The following ZDHHC14 variants were observed in gnomAD, a reference collection of about 807,000 sequenced individuals.
ZDHHC14 encodes palmitoyltransferase ZDHHC14.
In ZDHHC14, 16 loss-of-function variants were observed where a neutral mutation model predicts 47.7. The ratio of observed to expected loss-of-function variants is 0.34; its 90% CI spans 0.23 to 0.51. ZDHHC14 has a LOEUF of 0.51. Among genes scored for constraint, ZDHHC14 ranks in the 20% least tolerant of loss-of-function variants. ZDHHC14 has a pLI of 0.97. For missense variants in ZDHHC14, 515 were observed against 662.5 expected (o/e 0.78, Z 2.44); for synonymous variants, 293 against 278.9 (o/e 1.05, Z -0.50).
At chr6:157,548,052 G>A (rs9505848) in intron 2 of ZDHHC14, among the ~76,000 whole-genome samples, 23,438 of 151,218 alleles carry the variant, frequency 0.15, 1,945 homozygotes, top group Non-Finnish European at 0.19. Context: ...CTGCGCAGTC[G>A]CTTTGTGTAC....
At chr6:157,530,155 A>G (rs537229077) in intron 1 of ZDHHC14, among the ~76,000 whole-genome samples, 1 of 152,268 alleles carries the variant, frequency 6.6e-6, no homozygotes, top group Non-Finnish European at 1.5e-5. Flanking sequence ...ATGAAACAGT[A>G]ACAGGCTACC....
chr6:157,530,546 C>G (rs1164071326), intron 1 of ZDHHC14, among the ~76,000 whole-genome samples: 1 of 152,204 alleles, frequency 6.6e-6, no homozygotes, highest in African/African-American at 2.4e-5. Flanking sequence ...TTGAAGCTGT[C>G]TTTGCCTGAT....
chr6:157,395,452 C>A (rs1389271666), intron 1 of ZDHHC14, among the ~76,000 whole-genome samples: 1 of 151,810 alleles, frequency 6.6e-6, no homozygotes, highest in Non-Finnish European at 1.5e-5. Context: ...AGGTGTGAGC[C>A]ACCACACCTA....
intron 1 of ZDHHC14, among the ~76,000 whole-genome samples, chr6:157,461,573 G>A (rs190775780): frequency 7.2e-5 from 11 of 152,254 alleles, no homozygotes; most frequent in Non-Finnish European, 1.5e-4. Flanking sequence ...TCCTGCCCCT[G>A]AGTTCCTAGT....
At chr6:157,452,060 C>T (rs550091501) in intron 1 of ZDHHC14, among the ~76,000 whole-genome samples, 36 of 152,158 alleles carry the variant, frequency 2.4e-4, no homozygotes, top group African/African-American at 7.7e-4. Context: ...AGGGGTTGGA[C>T]CCATTTAGCA....
chr6:157,441,804 C>T (rs1010090350), intron 1 of ZDHHC14, among the ~76,000 whole-genome samples: 1 of 152,102 alleles, frequency 6.6e-6, no homozygotes, highest in East Asian at 1.9e-4. Flanking sequence ...TGCCACAGCA[C>T]TCTAGCCTGG....
At chr6:157,614,717 G>A (rs1417816592) in intron 3 of ZDHHC14, among the ~76,000 whole-genome samples, 2 of 152,066 alleles carry the variant, frequency 1.3e-5, no homozygotes, top group African/African-American at 4.8e-5. Context: ...CCTCACACGG[G>A]GCCCCAGATG....
At chr6:157,431,212 G>T (rs2114781066) in intron 1 of ZDHHC14, among the ~76,000 whole-genome samples, 2 of 152,300 alleles carry the variant, frequency 1.3e-5, no homozygotes, top group Middle Eastern at 6.8e-3. Flanking sequence ...TCCCTATTTA[G>T]AGATGATCAA....
chr6:157,432,217 T>C (rs113774994), intron 1 of ZDHHC14, among the ~76,000 whole-genome samples: 1 of 152,318 alleles, frequency 6.6e-6, no homozygotes, highest in East Asian at 1.9e-4. Flanking sequence ...CTGTGCATAT[T>C]TGAGTTTTTA....
At chr6:157,612,152 C>T (rs1013036209) in intron 3 of ZDHHC14, among the ~76,000 whole-genome samples, 1 of 152,228 alleles carries the variant, frequency 6.6e-6, no homozygotes, top group Admixed American at 6.5e-5. Flanking sequence ...AGGCTCTGTA[C>T]AGTTTGCTTA....
At position 157,593,010 on chromosome 6, in the gene ZDHHC14, A is replaced by C; in HGVS notation, c.429A>C (p.Ser143=). Residue 143 remains serine (S), a synonymous_variant, in exon 3 of 9, where the codon TCA becomes TCC. Coordinates refer to ENST00000359775, the MANE Select transcript of ZDHHC14 (RefSeq NM_024630.3). ...CAGATATCGCAAACGGCACCAGTTC[A>C]GGGGGGTACCGCCCGCCTCCCAGAA... The part of the protein sequence containing the change: ...RQIDIANGTS[S]GGYRPPPRTK... 2 of 1,613,870 alleles carry C rather than the reference A, an allele frequency of 1.2e-6. No individual in the cohort carries two copies. The highest frequency in any genetic ancestry group is 1.1e-5 in the South Asian group (1 of 91,044).
At chr6:157,507,577 C>T (rs1282717871) in intron 1 of ZDHHC14, among the ~76,000 whole-genome samples, 2 of 152,178 alleles carry the variant, frequency 1.3e-5, no homozygotes, top group East Asian at 3.8e-4. Context: ...CCACTGTGCC[C>T]AGCCTCCTGA....
chr6:157,475,060 A>G (rs1562440354), intron 1 of ZDHHC14, among the ~76,000 whole-genome samples: 1 of 152,178 alleles, frequency 6.6e-6, no homozygotes, highest in Non-Finnish European at 1.5e-5. Flanking sequence ...TGATTTTTGT[A>G]TATGGCATAG....
intron 1 of ZDHHC14, among the ~76,000 whole-genome samples, chr6:157,416,720 T>C (rs1487326059): frequency 7.1e-6 from 1 of 141,006 alleles, no homozygotes; most frequent in Non-Finnish European, 1.5e-5. Flanking sequence ...CATGCTATGG[T>C]AAAAAATTCG....
chr6:157,662,877 A>G (rs139357626), intron 8 of ZDHHC14, among the ~76,000 whole-genome samples: 2,965 of 152,380 alleles, frequency 0.019, 48 homozygotes, highest in Non-Finnish European at 0.03. Flanking sequence ...AGAAAACTGC[A>G]AAATCAAAAT....
At chr6:157,649,307 C>A (rs587437) in intron 7 of ZDHHC14, among the ~76,000 whole-genome samples, 13 of 152,122 alleles carry the variant, frequency 8.5e-5, no homozygotes, top group African/African-American at 2.9e-4. Flanking sequence ...TGGGTGAAGG[C>A]AGAGCAAGAC....
intron 4 of ZDHHC14, chr6:157,632,403 G>A (rs1165986473): frequency 5.9e-6 from 1 of 170,566 alleles, no homozygotes; most frequent in Admixed American, 5.7e-5. Flanking sequence ...TTATGACTTT[G>A]TTTACTCTGG....
intron 1 of ZDHHC14, among the ~76,000 whole-genome samples, chr6:157,478,766 G>A (rs1391499124): frequency 6.6e-6 from 1 of 152,058 alleles, no homozygotes; most frequent in Non-Finnish European, 1.5e-5. Context: ...ATAGTGCCTG[G>A]GACACAGTAA....
chr6:157,600,818 A>G (rs1784309705), intron 3 of ZDHHC14, among the ~76,000 whole-genome samples: 2 of 151,874 alleles, frequency 1.3e-5, no homozygotes, highest in African/African-American at 4.9e-5. Flanking sequence ...GGTTGCTCCA[A>G]TGGTTATGTC....
Sources: gnomAD v4.1 joint callset for allele counts (sites outside exome capture counted in the v4.1 genomes callset) on GRCh38, gnomAD v4.1.1 for gene constraint, MANE v1.5 for transcripts, NCBI Gene and HGNC (gene_info 2026-07-23, HGNC 2026-07-21) for gene names.